CATSPERD: variants seen among roughly 807,000 people sequenced by gnomAD.
CATSPERD encodes the protein cation channel sperm-associated auxiliary subunit delta.
A neutral mutation model predicts 98.1 loss-of-function variants in CATSPERD; 86 were observed. The observed-to-expected ratio is 0.88, with a 90% CI of 0.74 to 1.05. The LOEUF is 1.05. Among genes scored for constraint, CATSPERD ranks in the 50% least tolerant of loss-of-function variants. The pLI is 0.00. For missense variants in CATSPERD, 995 were observed against 1,005.7 expected, an observed-to-expected ratio of 0.99 and a Z score of 0.14; for synonymous variants, 394 against 390.2, an observed-to-expected ratio of 1.01 and a Z score of -0.12.
At position 5,748,612 on chromosome 19, in the gene CATSPERD, C is replaced by G. The variant is rs536534122; in HGVS notation, c.904+357C>G. The stretch of plus-strand genomic sequence containing the variant: ...CCATGGCACTCCAGCCTGGGCGACA[C>G]AGTGAGACTCCAAAAAAAAAAAAAA... On this transcript the variant is annotated intron_variant, in intron 10 of 21. Coordinates refer to ENST00000381624, the MANE Select transcript of CATSPERD (RefSeq NM_152784.4). Among the ~76,000 whole-genome samples, 6 of 111,044 alleles carry G rather than the reference C, an allele frequency of 5.4e-5. No individual in the cohort carries two copies. In the East Asian group the frequency reaches 1.3e-3, roughly 25 times the overall value. The allele number at this position is 111,044 out of a possible 152,430, so 72.8% of individuals were successfully genotyped here.
chr19:5,743,031 C>T (rs1386568415), intron 7 of CATSPERD, among the ~76,000 whole-genome samples: 1 of 152,090 alleles, frequency 6.6e-6, no homozygotes, highest in African/African-American at 2.4e-5. Context: ...AGGCTGGGCT[C>T]GATGGCTCAC....
At chr19:5,776,340 G>T in intron 21 of CATSPERD, 25 bp downstream of exon 21, 1 of 1,609,932 alleles carries the variant, frequency 6.2e-7, no homozygotes, top group South Asian at 1.1e-5. Context: ...CTGCCCCTAC[G>T]ACAGGGGACG....
intron 11 of CATSPERD, among the ~76,000 whole-genome samples, chr19:5,749,496 T>C (rs1482010448): frequency 2.0e-5 from 3 of 152,146 alleles, no homozygotes; most frequent in African/African-American, 7.2e-5. Context: ...TAAGGAATAA[T>C]GGTCTTGTTC....
chr19:5,740,314 G>T (rs933226666), intron 7 of CATSPERD, among the ~76,000 whole-genome samples: 1 of 150,546 alleles, frequency 6.6e-6, no homozygotes. Flanking sequence ...TAAGCTGGGC[G>T]CAGTGGCTCA....
Position 5,772,940 on chromosome 19 carries a change from G to A in CATSPERD, c.1916G>A (p.Gly639Glu), listed in dbSNP as rs1218554576. The A allele has an allele frequency of 6.2e-7, 1 of 1,613,718 alleles. No homozygotes were observed. Among genetic ancestry groups the A allele is most frequent in the Non-Finnish European group, 8.5e-7 (1 of 1,179,862 alleles). Residue 639 changes from glycine (G) to glutamate (E), a missense_variant, in exon 20 of 22, where the codon GGG (glycine) becomes GAG (glutamate). Physicochemically the swap from Gly to Glu is moderately conservative, Grantham distance 98 (BLOSUM62 -2). Around this residue, in one of 3 missense-constraint regions of CATSPERD, gnomAD observed 762 missense variants for 773.7 expected, o/e 0.98. Coordinates refer to ENST00000381624, the MANE Select transcript of CATSPERD (RefSeq NM_152784.4). ...QNWTTMIKEF[G>E]GPFFWNRENY... is the part of the protein sequence containing the mutation. ...TGGACCACCATGATAAAGGAATTCG[G>A]GGGGCCCTTCTTCTGGAACAGAGAG...
chr19:5,752,696 T>G (rs2056243656), intron 12 of CATSPERD, among the ~76,000 whole-genome samples: 1 of 151,944 alleles, frequency 6.6e-6, no homozygotes, highest in African/African-American at 2.4e-5. Flanking sequence ...TGAGAAATGC[T>G]GCGGGCCCAA....
intron 7 of CATSPERD, among the ~76,000 whole-genome samples, chr19:5,742,004 C>G (rs549677432): frequency 2.8e-4 from 42 of 150,832 alleles, no homozygotes; most frequent in African/African-American, 1.0e-3. Context: ...CCACTGCACT[C>G]CAGCCTGGGT....
At position 5,737,149 on chromosome 19, in the gene CATSPERD, CCT is replaced by C. The variant is rs755338498; in HGVS notation, c.404_405del (p.Pro135ArgfsTer7). 1.2e-6 allele frequency: 2 copies of C among 1,605,286 alleles called. No homozygotes were observed. The highest frequency in any genetic ancestry group is 8.5e-7 in the Non-Finnish European group (1 of 1,172,266). ...SWSMSLGIKH[P>X]VTHVSGDNCC... ...TATTTTCCTTTCAGGTATAAAACAC[CCT>C]GTTACACATGTCTCTGGTGATAATT... On this transcript the variant is annotated frameshift_variant, in exon 6 of 22. Coordinates refer to ENST00000381624, the MANE Select transcript of CATSPERD (RefSeq NM_152784.4). LOFTEE classifies it high-confidence loss of function.
intron 2 of CATSPERD, among the ~76,000 whole-genome samples, chr19:5,725,547 T>C (rs1278970770): frequency 6.6e-6 from 1 of 152,196 alleles, no homozygotes; most frequent in Non-Finnish European, 1.5e-5. Flanking sequence ...GTTTACTTCA[T>C]GCTTAAAATG....
chr19:5,740,146 T>C (rs2055929426), intron 7 of CATSPERD, among the ~76,000 whole-genome samples: 2 of 150,908 alleles, frequency 1.3e-5, no homozygotes, highest in South Asian at 2.1e-4. Flanking sequence ...CTGGGCGTGG[T>C]GGCACATGCT....
In CATSPERD at chr19:5,733,838, C is replaced by G. The variant is rs200753611; in HGVS notation, c.277-18C>G. 274 of 1,485,580 alleles carry G rather than the reference C, an allele frequency of 1.8e-4. 2 individuals are homozygous for G. The East Asian group carries it at 5.4e-3, about 29-fold the overall frequency. 92.0% of individuals were successfully genotyped at this position (1,485,580 alleles called of 1,614,324 possible). A position where few individuals can be genotyped will look rare whatever the true frequency, so the allele number is the denominator to read the frequency against. On this transcript the variant is annotated intron_variant, in intron 4 of 21. Transcript: ENST00000381624. ...GAAAAGATGCTCTCATTGATATCAT[C>G]CATATGATAACTTTTAGGTCGGCGT... is the stretch of plus-strand genomic sequence containing the variant.
chr19:5,739,285 G>C (rs761345749), intron 6 of CATSPERD, 41 bp from the exon 7 acceptor site: 2 of 1,104,902 alleles, frequency 1.8e-6, no homozygotes, highest in African/African-American at 1.6e-5. Context: ...GTACTTGCTG[G>C]CATCTTTCTT....
chr19:5,758,573 CAAAAA>C (rs71172762), intron 14 of CATSPERD, among the ~76,000 whole-genome samples: 2 of 109,660 alleles, frequency 1.8e-5, no homozygotes, highest in South Asian at 3.0e-4. Context: ...ACTAAAAATA[CAAAAA>C]AAAAAAAAAA....
At position 5,768,257 on chromosome 19, in the gene CATSPERD, C is replaced by T. The variant is rs1232365099; in HGVS notation, c.1634+15C>T. The T allele has an allele frequency of 6.2e-7, 1 of 1,608,670 alleles. No individual in the cohort carries two copies. The highest frequency in any genetic ancestry group is 8.5e-7 in the Non-Finnish European group (1 of 1,176,262). ...ATCATCGAGAAGTAAGCCAGCGTCC[C>T]CCCGCAACACCTGACACCCAAGGCG... is the stretch of plus-strand genomic sequence containing the variant. On this transcript the variant is annotated intron_variant, in intron 18 of 21. Transcript: ENST00000381624.
Position 5,720,648 on chromosome 19 carries a change from T to C in CATSPERD, c.-90T>C, listed in dbSNP as rs2055436339. The C allele has an allele frequency of 7.7e-7, 1 of 1,291,418 alleles. No homozygotes were observed. Among genetic ancestry groups the C allele is most frequent in the South Asian group, 1.2e-5 (1 of 80,234 alleles). 80.0% of individuals were successfully genotyped at this position (1,291,418 alleles called of 1,614,324 possible). A position where few individuals can be genotyped will look rare whatever the true frequency, so the allele number is the denominator to read the frequency against. On this transcript the variant is annotated 5_prime_UTR_variant, in exon 1 of 22. The change abolishes an upstream ATG in the 5' untranslated region. Transcript: ENST00000381624. ...CGCTCCCGGGACTCATTGATGCGCA[T>C]GCGCAGGGCTTCAGCCTGCACGTAC...
chr19:5,741,442 C>A (rs2055961735), intron 7 of CATSPERD, among the ~76,000 whole-genome samples: 1 of 151,992 alleles, frequency 6.6e-6, no homozygotes, highest in South Asian at 2.1e-4. Flanking sequence ...CAAGATGGTG[C>A]CTATGTTGGG....
chr19:5,752,769 T>C (rs1192432171), intron 12 of CATSPERD, among the ~76,000 whole-genome samples: 1 of 152,120 alleles, frequency 6.6e-6, no homozygotes, highest in Non-Finnish European at 1.5e-5. Context: ...GGCTCATTCC[T>C]GTAATCCTAA....
Position 5,739,309 on chromosome 19 carries a change from C to CTTT in CATSPERD, c.460-7_460-5dup. The stretch of plus-strand genomic sequence containing the variant: ...GGCATCTTTCTTTCATTCTTTCTTT[C>CTTT]TTTTTTTTTTTTATAGCATGTCAGT... On this transcript the variant is annotated splice_polypyrimidine_tract_variant and intron_variant, in intron 6 of 21. Coordinates refer to ENST00000381624, the MANE Select transcript of CATSPERD (RefSeq NM_152784.4). The CTTT allele has an allele frequency of 2.8e-6, 3 of 1,074,380 alleles. No homozygotes were observed. The highest frequency in any genetic ancestry group is 2.2e-5 in the Admixed American group (1 of 46,180). The allele number at this position is 1,074,380 out of a possible 1,614,324, so 66.6% of individuals were successfully genotyped here. A position where few individuals can be genotyped will look rare whatever the true frequency, so the allele number is the denominator to read the frequency against.
In CATSPERD at chr19:5,745,923, A is replaced by G; in HGVS notation, c.668A>G (p.Lys223Arg). 1 of 1,614,112 alleles carries G rather than the reference A, an allele frequency of 6.2e-7. No homozygotes were observed. The highest frequency in any genetic ancestry group is 2.2e-5 in the East Asian group (1 of 44,878). The change falls in exon 9 of 22, where the codon AAG (lysine) becomes AGG (arginine). Residue 223 changes from lysine (K) to arginine (R), a missense_variant. Physicochemically the swap from Lys to Arg is conservative, Grantham distance 26 (BLOSUM62 2). Around this residue, in one of 3 missense-constraint regions of CATSPERD, gnomAD observed 762 missense variants for 773.7 expected, o/e 0.98. Transcript: ENST00000381624. ...GTCTTTTTCTCCCAGGGCATGTTCA[A>G]GTACTCAGATCACCCCCTCAACCGG... ...LVVNQGKGMFKYSDHPLNRSF... is the reference protein window; with the variant it reads ...LVVNQGKGMFRYSDHPLNRSF...
Sources: gnomAD v4.1 joint callset for allele counts (sites outside exome capture counted in the v4.1 genomes callset) on GRCh38, gnomAD v4.1.1 for gene constraint, gnomAD v4.1.1 regional missense constraint, MANE v1.5 for transcripts, NCBI Gene and HGNC (gene_info 2026-07-23, HGNC 2026-07-21) for gene names.